Variants in CUZD1 observed in about 807,000 individuals in gnomAD.
CUZD1 encodes the protein CUB and zona pellucida-like domain-containing protein 1.
Under a neutral mutation model 53.1 loss-of-function variants are expected in CUZD1, and 42 were observed. That is an observed-to-expected ratio of 0.79 (90% CI 0.62 to 1.02). The LOEUF (loss-of-function observed/expected upper bound fraction) is 1.02. Among genes scored for constraint, CUZD1 ranks in the 50% least tolerant of loss-of-function variants. CUZD1 has a pLI of 0.00. For missense variants in CUZD1, 670 were observed against 715.7 expected, an observed-to-expected ratio of 0.94 and a Z score of 0.73; for synonymous variants, 238 against 257.2, an observed-to-expected ratio of 0.93 and a Z score of 0.71.
chr10:122,833,655 A>G lies in CUZD1; in HGVS notation c.1651+17T>C. 1 of 1,609,096 alleles carries G rather than the reference A, an allele frequency of 6.2e-7. No homozygotes were observed. The highest frequency in any genetic ancestry group is 1.1e-5 in the South Asian group (1 of 90,602). ...GCCATGATGTGCTTTTGGATCATGGAATAGCTTTTTTCTTACCTGAATTGC... is the reference window on the plus strand; with the variant it reads ...GCCATGATGTGCTTTTGGATCATGGGATAGCTTTTTTCTTACCTGAATTGC... On this transcript the variant is annotated intron_variant, in intron 8 of 8. Coordinates refer to ENST00000392790, the MANE Select transcript of CUZD1 (RefSeq NM_022034.6).
chr10:122,835,502 C>T (rs1847235654), intron 6 of CUZD1, among the ~76,000 whole-genome samples: 2 of 152,180 alleles, frequency 1.3e-5, no homozygotes, highest in Non-Finnish European at 1.5e-5. Context: ...AGGCCCTTAG[C>T]TGCCTTCCCT....
In CUZD1 at chr10:122,832,373, G is replaced by A. The variant is rs1847175000; in HGVS notation, c.1729C>T (p.Leu577=). The change falls in exon 9 of 9, where the codon CTA becomes TTA. Residue 577 remains leucine (L), a synonymous_variant. Coordinates refer to ENST00000392790, the MANE Select transcript of CUZD1 (RefSeq NM_022034.6). ...NSVHLFSFMV[L]ALNVVTVATI... ...GCTACAGTCACCACATTCAGAGCTA[G>A]AACCATGAAGGAAAACAGATGCACA... 1.9e-6 allele frequency: 3 copies of A among 1,614,040 alleles called. No homozygotes were observed.
chr10:122,833,745 T>C lies in CUZD1; in HGVS notation c.1578A>G (p.Ser526=), dbSNP rs199609074. 5.9e-5 allele frequency: 96 copies of C among 1,613,914 alleles called. No homozygotes were observed. Among genetic ancestry groups the C allele is most frequent in the Non-Finnish European group, 7.7e-5 (91 of 1,179,978 alleles). The change falls in exon 8 of 9, where the codon TCA becomes TCG. Residue 526 remains serine, a synonymous_variant. Transcript: ENST00000392790. ...TGATGGAATCTGTTTTCCATTTATA[T>C]GAAGAAATGTCTCGTTTGCTTCTGG... The part of the protein sequence containing the change: ...CVSRSKRDIS[S]YKWKTDSIIG...
chr10:122,837,633 T>A, intron 3 of CUZD1, 79 bp from the exon 4 acceptor site: 2 of 1,302,008 alleles, frequency 1.5e-6, no homozygotes, highest in Non-Finnish European at 1.1e-6. Flanking sequence ...GCATTGAGCT[T>A]AACACATCTC....
chr10:122,841,666 T>C (rs1051242020), intron 1 of CUZD1, among the ~76,000 whole-genome samples: 1 of 152,216 alleles, frequency 6.6e-6, no homozygotes, highest in Admixed American at 6.5e-5. Context: ...AAGTGTATAT[T>C]TAACTGCATA....
chr10:122,837,089 A>T (rs1056724185), intron 4 of CUZD1, 41 bp from the exon 5 acceptor site: 1 of 1,383,174 alleles, frequency 7.2e-7, no homozygotes, highest in Non-Finnish European at 1.0e-6. Flanking sequence ...GTTTCAAACC[A>T]ATTCAATTCT....
At chr10:122,836,395 G>T in intron 5 of CUZD1, 45 bp from the exon 6 acceptor site, 2 of 1,466,366 alleles carry the variant, frequency 1.4e-6, no homozygotes, top group Non-Finnish European at 1.8e-6. Context: ...GTTTATGCCA[G>T]CTAGGAATGT....
chr10:122,839,117 A>C lies in CUZD1; in HGVS notation c.348T>G (p.Phe116Leu), dbSNP rs139643593. Residue 116 changes from phenylalanine (F) to leucine (L), a missense_variant, in exon 3 of 9, where the codon TTT (phenylalanine) becomes TTG (leucine). By Grantham distance (22) the Phe-to-Leu change is conservative. Coordinates refer to ENST00000392790, the MANE Select transcript of CUZD1 (RefSeq NM_022034.6). ...VCSKNDYVPV[F>L]ESSSSTLTFQ... ...ACGTCAATGTACTGGATGATGATTC[A>C]AATACAGGAACATAGTCGTTTTTAC... 6 of 1,614,168 alleles carry C rather than the reference A, an allele frequency of 3.7e-6. No homozygotes were observed. Among genetic ancestry groups the C allele is most frequent in the Non-Finnish European group, 5.1e-6 (6 of 1,180,000 alleles).
chr10:122,837,114 C>A, intron 4 of CUZD1, 66 bp from the exon 5 acceptor site: 1 of 1,209,074 alleles, frequency 8.3e-7, no homozygotes, highest in Non-Finnish European at 1.2e-6. Flanking sequence ...TCTAACATCC[C>A]AACAATCCTA....
intron 1 of CUZD1, among the ~76,000 whole-genome samples, chr10:122,841,572 T>C (rs1419724000): frequency 6.6e-6 from 1 of 152,262 alleles, no homozygotes; most frequent in Admixed American, 6.5e-5. Context: ...GGATGGTTTG[T>C]ATTTTTAATA....
intron 1 of CUZD1, among the ~76,000 whole-genome samples, chr10:122,845,051 C>T (rs1023501451): frequency 6.6e-6 from 1 of 150,580 alleles, no homozygotes; most frequent in Admixed American, 6.6e-5. Flanking sequence ...TTAATGTGGT[C>T]TATGGACACA....
chr10:122,841,360 G>GACCAGAAAACAAAAGCATCAGAA, intron 1 of CUZD1, 32 bp from the exon 2 acceptor site: 1 of 1,569,738 alleles, frequency 6.4e-7, no homozygotes, highest in Non-Finnish European at 8.6e-7. Flanking sequence ...ACTCAGGAAA[G>GACCAGAAAACAAAAGCATCAGAA]TCAACAGGCC....
At chr10:122,845,028 T>A (rs1323321180) in intron 1 of CUZD1, among the ~76,000 whole-genome samples, 2 of 151,950 alleles carry the variant, frequency 1.3e-5, no homozygotes, top group Non-Finnish European at 2.9e-5. Context: ...AAACTTCAGA[T>A]CTCTTTTTTC....
chr10:122,842,488 G>A (rs575900371), intron 1 of CUZD1, among the ~76,000 whole-genome samples: 54 of 152,200 alleles, frequency 3.5e-4, no homozygotes, highest in Admixed American at 7.8e-4. Flanking sequence ...CTATCCTTTT[G>A]GCAAACCACA....
intron 1 of CUZD1, among the ~76,000 whole-genome samples, chr10:122,843,814 T>C (rs567457872): frequency 6.8e-6 from 1 of 146,214 alleles, no homozygotes; most frequent in Non-Finnish European, 1.5e-5. Context: ...TACATACATA[T>C]ATATATATAT....
chr10:122,836,075 T>G, intron 6 of CUZD1, 103 bp downstream of exon 6: 1 of 1,062,228 alleles, frequency 9.4e-7, no homozygotes, highest in Non-Finnish European at 1.3e-6. Flanking sequence ...CCACTAAAAT[T>G]TGGGGGTCGT....
Position 122,832,175 on chromosome 10 carries a change from C to T in CUZD1, c.*103G>A. The T allele has an allele frequency of 1.7e-6, 2 of 1,204,630 alleles. No individual in the cohort carries two copies. Among genetic ancestry groups the T allele is most frequent in the South Asian group, 2.8e-5 (2 of 70,892 alleles). 74.6% of individuals were successfully genotyped at this position (1,204,630 alleles called of 1,614,324 possible). A position where few individuals can be genotyped will look rare whatever the true frequency, so the allele number is the denominator to read the frequency against. ...CAGTGACATGCAGGCCTGTGTGTCA[C>T]TTTCAGGCCCTTCCTCATTTATTCA... On this transcript the variant is annotated 3_prime_UTR_variant, in exon 9 of 9. Transcript: ENST00000392790.
intron 2 of CUZD1, 122 bp downstream of exon 2, chr10:122,841,056 G>T: frequency 1.1e-6 from 1 of 886,100 alleles, no homozygotes; most frequent in Non-Finnish European, 1.7e-6. Context: ...TCATCACGAT[G>T]GTTGTCAGTG....
intron 3 of CUZD1, chr10:122,838,004 C>T (rs1847279996): frequency 6.5e-6 from 1 of 154,568 alleles, no homozygotes; most frequent in Non-Finnish European, 1.4e-5. Flanking sequence ...TTCCCTGACT[C>T]CCACCTCCAC....
Sources: allele counts gnomAD v4.1 joint callset (sites outside exome capture counted in the v4.1 genomes callset), GRCh38; gene constraint gnomAD v4.1.1; transcripts MANE v1.5; gene names NCBI Gene and HGNC (gene_info 2026-07-23, HGNC 2026-07-21).